The following CFAP20DC variants were observed in gnomAD, a reference collection of about 807,000 sequenced individuals.
CFAP20DC encodes the protein CFAP20 domain containing, also known as protein CFAP20DC.
CFAP20DC carries 84 observed loss-of-function variants against 101.7 expected under a neutral mutation model. The observed-to-expected ratio is 0.83, with a 90% confidence interval of 0.69 to 0.99. The LOEUF is 0.99. Ranked by LOEUF, CFAP20DC falls within the 50% of genes least tolerant of loss-of-function variation. CFAP20DC has a pLI of 0.00. For missense variants in CFAP20DC, 1,007 were observed against 970.3 expected, an observed-to-expected ratio of 1.04 and a Z score of -0.50; for synonymous variants, 359 against 351.2, an observed-to-expected ratio of 1.02 and a Z score of -0.25.
downstream of CFAP20DC, chr3:58,737,059 C>A: frequency 2.7e-6 from 1 of 373,842 alleles, no homozygotes; most frequent in South Asian, 2.1e-5. The surrounding 1 kb of genome is among the most constrained non-coding windows in gnomAD (Gnocchi z 4.1). Flanking sequence ...ACCATATTAC[C>A]TACAGTTATA....
intron 15 of CFAP20DC, among the ~76,000 whole-genome samples, chr3:58,789,912 T>C (rs1022598926): frequency 1.3e-5 from 2 of 152,168 alleles, no homozygotes; most frequent in East Asian, 3.8e-4. Flanking sequence ...TATAGTCTCA[T>C]TCTACAGAAA....
intron 4 of CFAP20DC, among the ~76,000 whole-genome samples, chr3:58,995,061 T>C (rs1559960533): frequency 2.0e-5 from 3 of 152,208 alleles, no homozygotes; most frequent in Admixed American, 6.5e-5. Context: ...TTGAAACGTT[T>C]TTCCTCCATG....
chr3:58,808,808 T>C (rs1013217703), intron 14 of CFAP20DC, among the ~76,000 whole-genome samples: 4 of 152,126 alleles, frequency 2.6e-5, no homozygotes, highest in Non-Finnish European at 2.9e-5. Flanking sequence ...GTGTGCTGTA[T>C]TCAGGAAACC....
chr3:59,035,432 A>G (rs2094079968), intron 4 of CFAP20DC, among the ~76,000 whole-genome samples: 4 of 152,106 alleles, frequency 2.6e-5, no homozygotes, highest in Admixed American at 2.6e-4. Flanking sequence ...TTAACAAAAT[A>G]GATAGACCAC....
At chr3:58,890,085 G>A (rs964268911) in intron 6 of CFAP20DC, among the ~76,000 whole-genome samples, 4 of 151,064 alleles carry the variant, frequency 2.6e-5, no homozygotes, top group East Asian at 4.0e-4. Flanking sequence ...CCCAGACGGG[G>A]TGGTGGCCGG....
intron 4 of CFAP20DC, among the ~76,000 whole-genome samples, chr3:58,980,654 AAT>A (rs1210753684): frequency 9.9e-5 from 15 of 152,222 alleles, no homozygotes; most frequent in Non-Finnish European, 1.3e-4. Flanking sequence ...AAAATTCAAC[AAT>A]GCTTCATGCT....
At chr3:58,720,826 C>G (rs1170979804) in intron 3 of CFAP20DC, among the ~76,000 whole-genome samples, 1 of 152,184 alleles carries the variant, frequency 6.6e-6, no homozygotes, top group Non-Finnish European at 1.5e-5. Context: ...AATATTTATA[C>G]TTCTCTTTCC....
At chr3:58,809,347 A>C (rs1238282551) in intron 14 of CFAP20DC, among the ~76,000 whole-genome samples, 1 of 152,216 alleles carries the variant, frequency 6.6e-6, no homozygotes, top group African/African-American at 2.4e-5. Flanking sequence ...ATTATAATAA[A>C]TTGTCTCTCA....
rs1184706668 is a variant in CFAP20DC at position 58,868,767 on chromosome 3, G to C, written c.1015+561C>G. ...CCCTTTTCAACTCTCAGTAAAGTCA[G>C]ATCAGTAAGGGTAGAAAAAGTGACA... On this transcript the variant is annotated intron_variant, in intron 9 of 16. Transcript: ENST00000482387. This position sits in a 1 kb window ranked among gnomAD's most constrained non-coding sequence, Gnocchi z 4.6. 6.6e-6 allele frequency among the ~76,000 whole-genome samples: 1 copy of C among 152,176 alleles called. No homozygotes were observed. Among genetic ancestry groups the C allele is most frequent in the Admixed American group, 6.5e-5 (1 of 15,288 alleles).
rs566880214 is a variant in CFAP20DC, at chr3:58,758,644, C to T, written c.2238-4781G>A. 7.2e-5 allele frequency among the ~76,000 whole-genome samples: 11 copies of T among 152,210 alleles called. No homozygotes were observed. In the East Asian group the frequency reaches 1.5e-3, roughly 21 times the overall value. On this transcript the variant is annotated intron_variant, in intron 15 of 16. Transcript: ENST00000482387. The stretch of plus-strand genomic sequence containing the variant: ...TGTTGGTGTGCTGCACCCATTAACT[C>T]GTCATTTAGCATTAGGTATATCTCC...
At chr3:58,968,452 T>C (rs1188500864) in intron 4 of CFAP20DC, among the ~76,000 whole-genome samples, 1 of 152,202 alleles carries the variant, frequency 6.6e-6, no homozygotes, top group Non-Finnish European at 1.5e-5. Flanking sequence ...TGCATTTCTC[T>C]AATAATCAGT....
At chr3:58,926,265 C>T (rs560084352) in intron 5 of CFAP20DC, among the ~76,000 whole-genome samples, 1 of 151,726 alleles carries the variant, frequency 6.6e-6, no homozygotes, top group Non-Finnish European at 1.5e-5. Context: ...ACTCAGGAGG[C>T]TGAGGCAGGA....
Position 58,863,570 on chromosome 3 carries a change from G to C in CFAP20DC, c.1581C>G (p.Asp527Glu). ...TCAAGCAGTGTACCTCTTCACTGCT[G>C]TCGCCGCCGTAAAAATCATCCTCTG... ...TQSEDDFYGG[D>E]SSEEGNHSIQ... is the part of the protein sequence containing the mutation. Residue 527 changes from aspartate (D) to glutamate (E), a missense_variant, in exon 12 of 17, where the codon GAC becomes GAG. Coordinates refer to ENST00000482387, the MANE Select transcript of CFAP20DC (RefSeq NM_001394063.1). This position sits in a 1 kb window ranked among gnomAD's most constrained non-coding sequence, Gnocchi z 5.9. 1 of 1,613,934 alleles carries C rather than the reference G, an allele frequency of 6.2e-7. No homozygotes were observed. The highest frequency in any genetic ancestry group is 1.1e-5 in the South Asian group (1 of 91,074).
At chr3:59,000,551 G>C (rs1188633336) in intron 4 of CFAP20DC, among the ~76,000 whole-genome samples, 2 of 152,150 alleles carry the variant, frequency 1.3e-5, no homozygotes, top group African/African-American at 2.4e-5. Flanking sequence ...ATTTGGAAAT[G>C]CTGATGGAGG....
intron 4 of CFAP20DC, among the ~76,000 whole-genome samples, chr3:59,035,696 A>G (rs932829501): frequency 2.6e-5 from 4 of 152,226 alleles, no homozygotes; most frequent in Admixed American, 2.6e-4. Flanking sequence ...AAATTGAGGC[A>G]GTAATTAATA....
At chr3:58,987,557 T>C (rs1446817442) in intron 4 of CFAP20DC, among the ~76,000 whole-genome samples, 1 of 151,926 alleles carries the variant, frequency 6.6e-6, no homozygotes, top group Non-Finnish European at 1.5e-5. Context: ...ACCAATGAAA[T>C]GCAAAACCTC....
At chr3:58,889,626 A>C (rs2081982417) in intron 6 of CFAP20DC, among the ~76,000 whole-genome samples, 1 of 144,366 alleles carries the variant, frequency 6.9e-6, no homozygotes. Flanking sequence ...GTCATGGGAC[A>C]ATAGTGGAGG....
chr3:58,939,602 G>T (rs1212204570), intron 4 of CFAP20DC, among the ~76,000 whole-genome samples: 1 of 151,648 alleles, frequency 6.6e-6, no homozygotes, highest in East Asian at 1.9e-4. Context: ...GGGACTACAG[G>T]CACCCGCCAC....
At chr3:58,775,698 A>T (rs940594776) in intron 15 of CFAP20DC, among the ~76,000 whole-genome samples, 1 of 151,804 alleles carries the variant, frequency 6.6e-6, no homozygotes, top group Non-Finnish European at 1.5e-5. Flanking sequence ...TATTATGGCA[A>T]CTATAATTCT....
Sources: allele counts gnomAD v4.1 joint callset (sites outside exome capture counted in the v4.1 genomes callset), GRCh38; gene constraint gnomAD v4.1.1; non-coding constraint Gnocchi (gnomAD v3.1); transcripts MANE v1.5; gene names NCBI Gene and HGNC (gene_info 2026-07-23, HGNC 2026-07-21).